The following KLC1 variants were observed in gnomAD, a reference collection of about 807,000 sequenced individuals.
KLC1 encodes the protein kinesin 2 60/70kDa.
In KLC1, 30 loss-of-function variants were observed where a neutral mutation model predicts 84.2. The observed-to-expected ratio is 0.36, with a 90% CI of 0.27 to 0.48. The LOEUF is 0.48. KLC1 is among the 20% of genes least tolerant of loss of function. The pLI is 0.99. For missense variants in KLC1, 499 were observed against 805.4 expected (o/e 0.62, Z 4.60); for synonymous variants, 289 against 293.3 (o/e 0.99, Z 0.15).
chr14:103,655,662 G>A (rs1259958955), intron 2 of KLC1, among the ~76,000 whole-genome samples: 1 of 151,696 alleles, frequency 6.6e-6, no homozygotes, highest in Non-Finnish European at 1.5e-5. Flanking sequence ...AGGCTGGAGT[G>A]CAATGGCTCA....
At chr14:103,668,838 C>A (rs2080125560) in intron 5 of KLC1, among the ~76,000 whole-genome samples, 1 of 151,486 alleles carries the variant, frequency 6.6e-6, no homozygotes, top group Non-Finnish European at 1.5e-5. Flanking sequence ...AGTGCAGTGG[C>A]ACGATCTCTG....
intron 1 of KLC1, among the ~76,000 whole-genome samples, chr14:103,633,143 T>C (rs973777596): frequency 1.3e-5 from 2 of 151,732 alleles, no homozygotes; most frequent in African/African-American, 4.8e-5. Context: ...CTGCAGCCTC[T>C]ACCTCCCAGG....
intron 11 of KLC1, among the ~76,000 whole-genome samples, chr14:103,676,019 A>G (rs2080845813): frequency 6.6e-6 from 1 of 152,256 alleles, no homozygotes; most frequent in African/African-American, 2.4e-5. Flanking sequence ...GAAACCATAC[A>G]GTAAATTCAT....
At chr14:103,647,431 T>C (rs2078031950) in intron 1 of KLC1, among the ~76,000 whole-genome samples, 1 of 151,994 alleles carries the variant, frequency 6.6e-6, no homozygotes, top group Non-Finnish European at 1.5e-5. Flanking sequence ...GGTTTTGCCA[T>C]GTTGACCAGG....
At chr14:103,677,331 T>A in intron 11 of KLC1, 84 bp from the exon 12 acceptor site, 1 of 809,668 alleles carries the variant, frequency 1.2e-6, no homozygotes, top group Non-Finnish European at 2.1e-6. Context: ...CAGAAGTCTG[T>A]TAGTTCTTTA....
chr14:103,652,839 G>C (rs2078563558), intron 1 of KLC1, among the ~76,000 whole-genome samples: 1 of 152,178 alleles, frequency 6.6e-6, no homozygotes, highest in African/African-American at 2.4e-5. Context: ...GTGGAGTGGA[G>C]GTGGATTTCT....
At chr14:103,700,625 GA>G (rs751303416) in intron 15 of KLC1, 29 bp from the exon 16 acceptor site, 101 of 1,590,870 alleles carry the variant, frequency 6.3e-5, no homozygotes, top group Non-Finnish European at 8.1e-5. Context: ...TGCACGCCCT[GA>G]GTGAAACTCG....
At chr14:103,635,517 G>A (rs963257493) in intron 1 of KLC1, among the ~76,000 whole-genome samples, 1 of 152,172 alleles carries the variant, frequency 6.6e-6, no homozygotes, top group African/African-American at 2.4e-5. Flanking sequence ...ACTTTGGGAG[G>A]CTGAGGAGGG....
rs772866875 is a variant in KLC1 at position 103,694,470 on chromosome 14, T to TTAA, written c.1848+2046_1848+2048dup. Reference sequence around the variant, plus strand: ...ACATGGCGTTTCACTTTTTAAAAGCTTAAGCTTTATGGAATGAGGGAGCAC... The same window carrying TTAA: ...ACATGGCGTTTCACTTTTTAAAAGCTTAATAAGCTTTATGGAATGAGGGAGCAC... On this transcript the variant is annotated intron_variant, in intron 15 of 16. Coordinates refer to ENST00000334553, the MANE Select transcript of KLC1 (RefSeq NM_001394837.1). This position sits in a 1 kb window ranked among gnomAD's most constrained non-coding sequence, Gnocchi z 4.5. 330 of 985,360 alleles carry TTAA rather than the reference T, an allele frequency of 3.3e-4. No individual in the cohort carries two copies. The highest frequency in any genetic ancestry group is 3.9e-4 in the Non-Finnish European group (321 of 829,974). 61.0% of individuals were successfully genotyped at this position (985,360 alleles called of 1,614,324 possible).
chr14:103,679,576 C>T (rs762056634), intron 13 of KLC1, 31 bp downstream of exon 13: 8 of 1,561,994 alleles, frequency 5.1e-6, no homozygotes, highest in Admixed American at 3.4e-5. Flanking sequence ...GCACGTGCTC[C>T]GGGAGGCGCC....
At chr14:103,630,982 C>A (rs1567000145) in intron 1 of KLC1, among the ~76,000 whole-genome samples, 2 of 152,110 alleles carry the variant, frequency 1.3e-5, no homozygotes, top group African/African-American at 4.8e-5. Context: ...GGACTCTGGA[C>A]AGCGTTTATC....
In KLC1 at chr14:103,638,900, G is replaced by GGTGT. The variant is rs530816509; in HGVS notation, c.-2+9420_-2+9423dup. ...TAGGGTGTATGTGTGTGAGCACAAG[G>GGTGT]GTGTGTGTGTGTGTGTGCGTGCATG... On this transcript the variant is annotated intron_variant, in intron 1 of 16. Transcript: ENST00000334553. Among the ~76,000 whole-genome samples, 388 of 150,130 alleles carry GGTGT rather than the reference G, an allele frequency of 2.6e-3. 2 individuals carry two copies. The highest frequency in any genetic ancestry group is 8.6e-3 in the African/African-American group (351 of 41,034).
intron 11 of KLC1, among the ~76,000 whole-genome samples, chr14:103,676,610 C>A (rs2080902188): frequency 6.6e-6 from 1 of 152,142 alleles, no homozygotes; most frequent in African/African-American, 2.4e-5. Flanking sequence ...TACCATTCAT[C>A]TATTTTCAGA....
At chr14:103,680,291 T>G (rs891286838) in intron 13 of KLC1, among the ~76,000 whole-genome samples, 4 of 128,762 alleles carry the variant, frequency 3.1e-5, no homozygotes, top group Admixed American at 7.9e-5. Context: ...TTTTTTTTTT[T>G]GATACATAAG....
At chr14:103,635,025 A>T (rs761569935) in intron 1 of KLC1, among the ~76,000 whole-genome samples, 4 of 151,692 alleles carry the variant, frequency 2.6e-5, no homozygotes, top group Non-Finnish European at 4.4e-5. Flanking sequence ...ATGAATTATG[A>T]TTTTTTTTTA....
chr14:103,674,419 C>CTTT (rs71460691), intron 9 of KLC1, among the ~76,000 whole-genome samples: 1 of 146,720 alleles, frequency 6.8e-6, no homozygotes, highest in Non-Finnish European at 1.5e-5. Flanking sequence ...TGCTTGTTTT[C>CTTT]TTTTTTTTTT....
rs1054637788 is a variant in KLC1, at chr14:103,661,118, C to G, written c.493-998C>G. Among the ~76,000 whole-genome samples the G allele has an allele frequency of 3.3e-5, 5 of 152,280 alleles. No individual in the cohort carries two copies. In the South Asian group the frequency reaches 1.0e-3, roughly 32 times the overall value. On this transcript the variant is annotated intron_variant, in intron 3 of 16. Transcript: ENST00000334553. ...ACGGCTGCTTACTGCTGCTGGGCGTCTTTCCCTAGGGTGAGGGGTTCTCCT... is the reference window on the plus strand; with the variant it reads ...ACGGCTGCTTACTGCTGCTGGGCGTGTTTCCCTAGGGTGAGGGGTTCTCCT...
At chr14:103,685,585 C>A in intron 13 of KLC1, 1 of 1,289,216 alleles carries the variant, frequency 7.8e-7, no homozygotes, top group South Asian at 1.2e-5. Flanking sequence ...GAGCCTGTTG[C>A]CTTTCCTCGC....
At chr14:103,666,520 T>A (rs1051369216) in intron 5 of KLC1, among the ~76,000 whole-genome samples, 6 of 152,200 alleles carry the variant, frequency 3.9e-5, no homozygotes, top group Admixed American at 3.9e-4. Context: ...GGAGAACCAC[T>A]GCTAACTAAT....
Sources: allele counts gnomAD v4.1 joint callset (sites outside exome capture counted in the v4.1 genomes callset), GRCh38; gene constraint gnomAD v4.1.1; non-coding constraint Gnocchi (gnomAD v3.1); transcripts MANE v1.5; gene names NCBI Gene and HGNC (gene_info 2026-07-23, HGNC 2026-07-21).